PALS1: variants seen among roughly 807,000 people sequenced by gnomAD.
PALS1 encodes protein PALS1.
PALS1 carries 31 observed loss-of-function variants against 78.9 expected under a neutral mutation model. The ratio of observed to expected loss-of-function variants is 0.39; its 90% CI spans 0.30 to 0.53. PALS1 has a LOEUF of 0.53. PALS1 is among the 20% of genes least tolerant of loss of function. PALS1 has a pLI of 0.67. For missense variants in PALS1, 704 were observed against 826.5 expected, an observed-to-expected ratio of 0.85 and a Z score of 1.82; for synonymous variants, 276 against 270.9, an observed-to-expected ratio of 1.02 and a Z score of -0.18.
intron 2 of PALS1, among the ~76,000 whole-genome samples, chr14:67,276,653 A>G (rs2084510610): frequency 6.6e-6 from 1 of 152,122 alleles, no homozygotes; most frequent in African/African-American, 2.4e-5. Context: ...ATAATCATTT[A>G]TTTTCTTTGC....
intron 1 of PALS1, among the ~76,000 whole-genome samples, chr14:67,260,049 C>A (rs1017419535): frequency 2.0e-5 from 3 of 152,114 alleles, no homozygotes; most frequent in African/African-American, 7.2e-5. Flanking sequence ...TATTACTCTT[C>A]CTCATTTATT....
chr14:67,266,809 TA>T (rs1027224013), intron 1 of PALS1, among the ~76,000 whole-genome samples: 1 of 152,050 alleles, frequency 6.6e-6, no homozygotes, highest in African/African-American at 2.4e-5. Context: ...AGTTATCTTT[TA>T]AAAAAACTTC....
At chr14:67,256,678 G>C (rs559268460) in intron 1 of PALS1, among the ~76,000 whole-genome samples, 113 of 152,122 alleles carry the variant, frequency 7.4e-4, no homozygotes, top group African/African-American at 2.7e-3. Flanking sequence ...CTCCCAAGTA[G>C]CTGGGATTAC....
intron 13 of PALS1, among the ~76,000 whole-genome samples, chr14:67,322,532 A>C (rs554320481): frequency 3.3e-5 from 5 of 152,202 alleles, no homozygotes; most frequent in Non-Finnish European, 7.3e-5. Context: ...AGAGATGTAC[A>C]TAAAGGAGAA....
At chr14:67,292,483 T>G (rs754173590) in intron 3 of PALS1, 28 bp from the exon 4 acceptor site, 5 of 1,470,794 alleles carry the variant, frequency 3.4e-6, no homozygotes, top group Non-Finnish European at 4.7e-6. Context: ...AACAGTTAAT[T>G]TTTGGATACC....
At chr14:67,328,594 G>A (rs2085395853) in intron 14 of PALS1, among the ~76,000 whole-genome samples, 1 of 152,098 alleles carries the variant, frequency 6.6e-6, no homozygotes, top group Non-Finnish European at 1.5e-5. Flanking sequence ...TTTCTTCTAG[G>A]GTTTTTCTGG....
chr14:67,315,363 G>A (rs541738352), intron 9 of PALS1, among the ~76,000 whole-genome samples: 22 of 133,034 alleles, frequency 1.7e-4, no homozygotes, highest in Non-Finnish European at 2.9e-4. Context: ...TGCAAGCTCC[G>A]CCTCCCGGGC....
intron 3 of PALS1, among the ~76,000 whole-genome samples, chr14:67,291,127 T>G (rs990905437): frequency 6.6e-6 from 1 of 151,612 alleles, no homozygotes; most frequent in Admixed American, 6.6e-5. Flanking sequence ...AATTAAGAGG[T>G]AAATGGAAAT....
intron 14 of PALS1, among the ~76,000 whole-genome samples, chr14:67,324,334 ATT>A (rs1411276993): frequency 4.9e-4 from 74 of 152,312 alleles, no homozygotes; most frequent in African/African-American, 1.7e-3. Context: ...ATAACATGTT[ATT>A]AATAAGACAG....
Position 67,247,897 on chromosome 14 carries a change from A to G in PALS1, c.-237+6364A>G, listed in dbSNP as rs1053349070. Among the ~76,000 whole-genome samples, 5 of 152,262 alleles carry G rather than the reference A, an allele frequency of 3.3e-5. No homozygotes were observed. In the East Asian group the frequency reaches 9.7e-4, roughly 29 times the overall value. The stretch of plus-strand genomic sequence containing the variant: ...CCTGGCTTCTTGCTCACTTTCTTAA[A>G]GGAAAAGTATTCAGTCTTTCACTTT... On this transcript the variant is annotated intron_variant, in intron 1 of 14. Transcript: ENST00000261681.
intron 13 of PALS1, among the ~76,000 whole-genome samples, chr14:67,322,269 G>T (rs1278809945): frequency 1.3e-5 from 2 of 152,094 alleles, no homozygotes; most frequent in Non-Finnish European, 2.9e-5. Context: ...AATCGCCTGA[G>T]CCAGGGAGGC....
At chr14:67,313,464 A>G (rs1476558741) in intron 9 of PALS1, among the ~76,000 whole-genome samples, 15 of 152,156 alleles carry the variant, frequency 9.9e-5, no homozygotes, top group Non-Finnish European at 2.2e-4. Flanking sequence ...TTGTTGACTG[A>G]AATGTTGTTA....
chr14:67,302,393 C>CAT lies in PALS1; in HGVS notation c.802-8_802-7dup, dbSNP rs747621030. Reference sequence around the variant, plus strand: ...GTATTATTTTTATTTTTAAATTATACATATATATATTTTTAGGGTGCTACA... The same window carrying CAT: ...GTATTATTTTTATTTTTAAATTATACATATATATATATTTTTAGGGTGCTACA... On this transcript the variant is annotated splice_polypyrimidine_tract_variant and intron_variant, in intron 6 of 14. Coordinates refer to ENST00000261681, the MANE Select transcript of PALS1 (RefSeq NM_022474.4). The CAT allele has an allele frequency of 1.2e-5, 17 of 1,449,360 alleles. No individual in the cohort carries two copies. The highest frequency in any genetic ancestry group is 3.8e-4 in the Middle Eastern group (2 of 5,208). The allele number at this position is 1,449,360 out of a possible 1,614,324, so 89.8% of individuals were successfully genotyped here.
intron 2 of PALS1, 126 bp from the exon 3 acceptor site, chr14:67,278,892 A>G (rs1290248360): frequency 9.5e-6 from 2 of 210,560 alleles, no homozygotes; most frequent in Non-Finnish European, 9.4e-6. Context: ...TACTTAATCT[A>G]CTTAACAAAA....
chr14:67,332,978 A>G lies in PALS1; in HGVS notation c.*22A>G, dbSNP rs1566589496. 2.5e-6 allele frequency: 4 copies of G among 1,588,282 alleles called. No homozygotes were observed. The highest frequency in any genetic ancestry group is 3.4e-6 in the Non-Finnish European group (4 of 1,162,434). ...GTGAAAGAAACATCCATTCTGTGGC[A>G]TGTTGGACTTGATCTGGCAAAAACT... On this transcript the variant is annotated 3_prime_UTR_variant, in exon 15 of 15. Coordinates refer to ENST00000261681, the MANE Select transcript of PALS1 (RefSeq NM_022474.4).
chr14:67,256,990 G>T (rs867339724), intron 1 of PALS1, among the ~76,000 whole-genome samples: 1 of 152,158 alleles, frequency 6.6e-6, no homozygotes, highest in African/African-American at 2.4e-5. Flanking sequence ...CTGACGACAG[G>T]TGCCCAAGGT....
intron 3 of PALS1, among the ~76,000 whole-genome samples, chr14:67,285,529 G>A (rs141944588): frequency 6.6e-6 from 1 of 152,004 alleles, no homozygotes; most frequent in Non-Finnish European, 1.5e-5. Flanking sequence ...ACCACCCCTG[G>A]CTAATTTTTT....
At chr14:67,268,315 T>C (rs1258310948) in intron 1 of PALS1, among the ~76,000 whole-genome samples, 1 of 152,224 alleles carries the variant, frequency 6.6e-6, no homozygotes, top group African/African-American at 2.4e-5. Flanking sequence ...AGAACTCTCA[T>C]ACGATCGAAT....
Position 67,250,085 on chromosome 14 carries a change from C to T in PALS1, c.-237+8552C>T, listed in dbSNP as rs575353585. 9.9e-5 allele frequency among the ~76,000 whole-genome samples: 15 copies of T among 152,216 alleles called. 1 individual carries two copies. In the South Asian group the frequency reaches 3.1e-3, roughly 32 times the overall value. On this transcript the variant is annotated intron_variant, in intron 1 of 14. Transcript: ENST00000261681. ...GATTCACTAGAGCGATTTTATGGCA[C>T]ACAAATGGGTCACATCCTACAACTT...
Sources: gnomAD v4.1 joint callset for allele counts (sites outside exome capture counted in the v4.1 genomes callset) on GRCh38, gnomAD v4.1.1 for gene constraint, MANE v1.5 for transcripts, NCBI Gene and HGNC (gene_info 2026-07-23, HGNC 2026-07-21) for gene names.